CADM2: variants seen among roughly 807,000 people sequenced by gnomAD.
CADM2 encodes the protein immunoglobulin superfamily member 4D.
A neutral mutation model predicts 49.8 loss-of-function variants in CADM2; 12 were observed. The ratio of observed to expected loss-of-function variants is 0.24; its 90% CI spans 0.15 to 0.39. The LOEUF (loss-of-function observed/expected upper bound fraction) is 0.39. Among genes scored for constraint, CADM2 ranks in the 10% least tolerant of loss-of-function variants. The probability of loss-of-function intolerance (pLI) is 1.00; values close to 1 mark genes in which losing one functional copy is unlikely to be tolerated. For missense variants in CADM2, 378 were observed against 492.3 expected (o/e 0.77, Z 2.20); for synonymous variants, 214 against 175.4 (o/e 1.22, Z -1.74).
chr3:85,415,816 G>A lies in CADM2; in HGVS notation c.62-310706G>A, dbSNP rs947947735. Among the ~76,000 whole-genome samples the A allele has an allele frequency of 1.5e-4, 23 of 152,234 alleles. No individual in the cohort carries two copies. In the South Asian group the frequency reaches 2.3e-3, roughly 15 times the overall value. On this transcript the variant is annotated intron_variant, in intron 1 of 9. Coordinates refer to ENST00000383699, the MANE Select transcript of CADM2 (RefSeq NM_001167675.2). ...TGCAGTAGGATCAAAGCTTGTAAGGGAGAGTTGTGTTGTCAGCATCATGCA... is the reference window on the plus strand; with the variant it reads ...TGCAGTAGGATCAAAGCTTGTAAGGAAGAGTTGTGTTGTCAGCATCATGCA...
In CADM2 at chr3:85,154,387, G is replaced by C. The variant is rs567985774; in HGVS notation, c.61+194719G>C. Among the ~76,000 whole-genome samples the C allele has an allele frequency of 5.3e-5, 8 of 152,148 alleles. No homozygotes were observed. The South Asian group carries it at 1.7e-3, about 32-fold the overall frequency. Reference sequence around the variant, plus strand: ...AATGAAGCGAGAAGGGAAGTTTAAAGAAAAAAGAATAAAAAGAAACGAGCA... The same window carrying C: ...AATGAAGCGAGAAGGGAAGTTTAAACAAAAAAGAATAAAAAGAAACGAGCA... On this transcript the variant is annotated intron_variant, in intron 1 of 9. Transcript: ENST00000383699.
At chr3:85,709,366 C>A (rs757151126) in intron 1 of CADM2, among the ~76,000 whole-genome samples, 1 of 152,090 alleles carries the variant, frequency 6.6e-6, no homozygotes, top group Non-Finnish European at 1.5e-5. Flanking sequence ...TGAAAAATGT[C>A]AACTTCGAAC....
chr3:85,970,917 AGTATGG>A lies in CADM2; in HGVS notation c.970+9273_970+9278del, dbSNP rs796431358. Among the ~76,000 whole-genome samples the A allele has an allele frequency of 2.9e-3, 436 of 151,648 alleles. 7 individuals are homozygous for A. The highest frequency in any genetic ancestry group is 0.01 in the African/African-American group (427 of 41,480). On this transcript the variant is annotated intron_variant, in intron 8 of 9. Coordinates refer to ENST00000383699, the MANE Select transcript of CADM2 (RefSeq NM_001167675.2). Reference sequence around the variant, plus strand: ...ATAGAGTAACATAAAAATATAACCTAGTATGGGTTAAGCAACTATTTTACAGAATGA... The same window carrying A: ...ATAGAGTAACATAAAAATATAACCTAGTTAAGCAACTATTTTACAGAATGA...
At chr3:85,114,217 G>T (rs906423601) in intron 1 of CADM2, among the ~76,000 whole-genome samples, 1 of 152,020 alleles carries the variant, frequency 6.6e-6, no homozygotes, top group African/African-American at 2.4e-5. Context: ...ATGGGGGACT[G>T]GGGAGAGGGG....
intron 2 of CADM2, among the ~76,000 whole-genome samples, chr3:85,789,151 C>T (rs1480810805): frequency 6.6e-6 from 1 of 152,126 alleles, no homozygotes; most frequent in Non-Finnish European, 1.5e-5. Context: ...ATATTCCTCA[C>T]CCTCTCTCCA....
intron 1 of CADM2, among the ~76,000 whole-genome samples, chr3:85,547,047 A>T (rs1478422070): frequency 6.6e-6 from 1 of 151,924 alleles, no homozygotes; most frequent in East Asian, 1.9e-4. Context: ...GTAGGGATTC[A>T]AGCTGATAAA....
chr3:85,290,250 C>T (rs2043749602), intron 1 of CADM2, among the ~76,000 whole-genome samples: 2 of 152,156 alleles, frequency 1.3e-5, no homozygotes, highest in Admixed American at 1.3e-4. Context: ...AAATGGCGCA[C>T]CACGAGATTA....
At chr3:84,984,464 C>A (rs1485290129) in intron 1 of CADM2, among the ~76,000 whole-genome samples, 1 of 142,148 alleles carries the variant, frequency 7.0e-6, no homozygotes, top group Non-Finnish European at 1.5e-5. Context: ...ATGGCCTTTT[C>A]TTTTCACCTC....
At chr3:85,885,043 C>A (rs963458577) in intron 4 of CADM2, among the ~76,000 whole-genome samples, 3 of 151,512 alleles carry the variant, frequency 2.0e-5, no homozygotes, top group African/African-American at 4.8e-5. Flanking sequence ...TGATAATATT[C>A]TTTTTAAGCT....
At chr3:85,895,401 G>A (rs1715093169) in intron 5 of CADM2, among the ~76,000 whole-genome samples, 1 of 152,226 alleles carries the variant, frequency 6.6e-6, no homozygotes, top group Non-Finnish European at 1.5e-5. Flanking sequence ...TGGAACAGGT[G>A]TATTTACCCA....
rs528349153 is a variant in CADM2, at chr3:85,694,597, A to G, written c.62-31925A>G. Among the ~76,000 whole-genome samples, 3 of 152,324 alleles carry G rather than the reference A, an allele frequency of 2.0e-5. No homozygotes were observed. In the East Asian group the frequency reaches 5.8e-4, roughly 29 times the overall value. On this transcript the variant is annotated intron_variant, in intron 1 of 9. Coordinates refer to ENST00000383699, the MANE Select transcript of CADM2 (RefSeq NM_001167675.2). Reference sequence around the variant, plus strand: ...TAAAATATGCAATATGAATATATTGATAGACACTAAAATGCAATTTATAAA... The same window carrying G: ...TAAAATATGCAATATGAATATATTGGTAGACACTAAAATGCAATTTATAAA...
chr3:84,966,334 C>T (rs1184079147), intron 1 of CADM2, among the ~76,000 whole-genome samples: 2 of 151,870 alleles, frequency 1.3e-5, no homozygotes, highest in Non-Finnish European at 2.9e-5. Flanking sequence ...ATTTTTAAGA[C>T]TGAAGAACAT....
intron 1 of CADM2, among the ~76,000 whole-genome samples, chr3:85,348,806 T>C (rs1238489716): frequency 1.3e-5 from 2 of 152,116 alleles, no homozygotes; most frequent in East Asian, 3.8e-4. Flanking sequence ...CTCTTAACCC[T>C]ACTTAAGAGA....
chr3:86,010,676 A>G (rs1008541586), intron 8 of CADM2, among the ~76,000 whole-genome samples: 1 of 151,318 alleles, frequency 6.6e-6, no homozygotes, highest in African/African-American at 2.4e-5. Context: ...AAAAATAATG[A>G]AAAATTTAAA....
At chr3:85,191,945 T>TTGTGTGTGTGTGTGTGTG (rs3085115) in intron 1 of CADM2, among the ~76,000 whole-genome samples, 1,523 of 149,082 alleles carry the variant, frequency 0.01, 13 homozygotes, top group Non-Finnish European at 0.016. Context: ...GATGAAACAG[T>TTGTGTGTGTGTGTGTGTG]TGTGTGTGTG....
intron 1 of CADM2, among the ~76,000 whole-genome samples, chr3:85,303,543 T>C (rs1034634283): frequency 6.6e-6 from 1 of 151,934 alleles, no homozygotes; most frequent in African/African-American, 2.4e-5. Flanking sequence ...ATAAATTGCT[T>C]GTGAAAAATC....
At chr3:85,422,703 GGA>G (rs2036229534) in intron 1 of CADM2, among the ~76,000 whole-genome samples, 1 of 152,072 alleles carries the variant, frequency 6.6e-6, no homozygotes, top group African/African-American at 2.4e-5. Flanking sequence ...TGTTGAAACG[GGA>G]GAGTTTCCTG....
intron 8 of CADM2, among the ~76,000 whole-genome samples, chr3:86,043,518 A>T (rs1199930374): frequency 6.6e-6 from 1 of 152,176 alleles, no homozygotes; most frequent in Non-Finnish European, 1.5e-5. Flanking sequence ...CTTACAAGGG[A>T]TGTGAAGGAC....
chr3:85,800,842 G>C (rs912688661), intron 2 of CADM2: 1 of 152,396 alleles, frequency 6.6e-6, no homozygotes, highest in South Asian at 2.1e-4. Flanking sequence ...GACTGGAGCT[G>C]TTCCTATTTG....
Sources: allele counts gnomAD v4.1 joint callset (sites outside exome capture counted in the v4.1 genomes callset), GRCh38; gene constraint gnomAD v4.1.1; transcripts MANE v1.5; gene names NCBI Gene and HGNC (gene_info 2026-07-23, HGNC 2026-07-21).